PAIP2: variants seen among roughly 807,000 people sequenced by gnomAD.
The protein encoded by PAIP2 is polyadenylate-binding protein-interacting protein 2.
PAIP2 carries 7 observed loss-of-function variants against 14.8 expected under a neutral mutation model. The ratio of observed to expected loss-of-function variants is 0.47; its 90% CI spans 0.27 to 0.89. The LOEUF is 0.89. Among genes scored for constraint, PAIP2 ranks in the 40% least tolerant of loss-of-function variants. The pLI, the probability that PAIP2 is intolerant of heterozygous loss-of-function variation, is 0.13. For missense variants in PAIP2, 122 were observed against 154.7 expected (o/e 0.79, Z 1.12); for synonymous variants, 47 against 45.3 (o/e 1.04, Z -0.15).
At chr5:139,365,538 C>T (rs1345071605) in intron 3 of PAIP2, among the ~76,000 whole-genome samples, 7 of 150,706 alleles carry the variant, frequency 4.6e-5, no homozygotes, top group African/African-American at 1.2e-4. Flanking sequence ...TGGTGGCGGG[C>T]GCCTGTAGTT....
chr5:139,343,708 G>GTTTT (rs61419083), intron 1 of PAIP2, among the ~76,000 whole-genome samples: 19 of 130,948 alleles, frequency 1.5e-4, no homozygotes, highest in African/African-American at 2.0e-4. Flanking sequence ...GGCAGAGCAA[G>GTTTT]TTTTTTTTTT....
chr5:139,362,825 C>T (rs1757110635), intron 1 of PAIP2, among the ~76,000 whole-genome samples: 1 of 152,116 alleles, frequency 6.6e-6, no homozygotes, highest in Non-Finnish European at 1.5e-5. Context: ...TAGGCATGAG[C>T]CACTGCACCC....
Position 139,363,767 on chromosome 5 carries a change from C to T in PAIP2, c.-18C>T, listed in dbSNP as rs1206003299. On this transcript the variant is annotated 5_prime_UTR_variant, in exon 2 of 4. The change creates a new upstream start codon in the 5' untranslated region. Transcript: ENST00000265192. ...GCTGTTGTTCTTTTAAGGTTAAAAA[C>T]GACAACCAACATCAGCCATGAAAGA... 6.2e-7 allele frequency: 1 copy of T among 1,610,794 alleles called. No homozygotes were observed. The highest frequency in any genetic ancestry group is 8.5e-7 in the Non-Finnish European group (1 of 1,178,536).
chr5:139,342,173 G>A (rs1302543840), intron 1 of PAIP2, among the ~76,000 whole-genome samples, 193 bp downstream of exon 1: 1 of 152,016 alleles, frequency 6.6e-6, no homozygotes, highest in Non-Finnish European at 1.5e-5. Context: ...TGTCTTCTCC[G>A]AGACATGGCC....
At chr5:139,353,897 T>C (rs527576956) in intron 1 of PAIP2, among the ~76,000 whole-genome samples, 1 of 152,208 alleles carries the variant, frequency 6.6e-6, no homozygotes, top group South Asian at 2.1e-4. Context: ...TTTTTTTGTA[T>C]TTTTAGTAGA....
At chr5:139,347,856 A>AGTTAG (rs1338252075) in intron 1 of PAIP2, among the ~76,000 whole-genome samples, 2 of 152,056 alleles carry the variant, frequency 1.3e-5, no homozygotes, top group African/African-American at 4.8e-5. Flanking sequence ...AAAGATAGGA[A>AGTTAG]GTTAGGGGAA....
At chr5:139,359,427 C>CTCCTGAGGTCAGGAGTTCAAG (rs1757007450) in intron 1 of PAIP2, among the ~76,000 whole-genome samples, 1 of 152,038 alleles carries the variant, frequency 6.6e-6, no homozygotes, top group African/African-American at 2.4e-5. Context: ...GCATGAGCCA[C>CTCCTGAGGTCAGGAGTTCAAG]AGTGCCCGGT....
intron 1 of PAIP2, among the ~76,000 whole-genome samples, chr5:139,352,196 C>T (rs1756754993): frequency 8.7e-6 from 1 of 114,918 alleles, no homozygotes. Context: ...CAAAACACTT[C>T]TGGTTCTAAG....
At chr5:139,364,841 C>A in intron 3 of PAIP2, 98 bp downstream of exon 3, 1 of 803,126 alleles carries the variant, frequency 1.2e-6, no homozygotes, top group East Asian at 2.6e-5. Flanking sequence ...ATCTCTTTCC[C>A]CTTCAGAAAT....
intron 1 of PAIP2, among the ~76,000 whole-genome samples, chr5:139,350,789 CCT>C (rs1382664178): frequency 1.3e-5 from 2 of 151,946 alleles, no homozygotes; most frequent in Admixed American, 1.3e-4. Context: ...TGCTCCTTGT[CCT>C]CTTTCAGTTT....
Position 139,348,501 on chromosome 5 carries a change from C to T in PAIP2, c.-27+6521C>T, listed in dbSNP as rs146239554. Among the ~76,000 whole-genome samples, 922 of 151,734 alleles carry T rather than the reference C, an allele frequency of 6.1e-3. 9 individuals are homozygous for T. The highest frequency in any genetic ancestry group is 0.021 in the African/African-American group (884 of 41,366). On this transcript the variant is annotated intron_variant, in intron 1 of 3. Transcript: ENST00000265192. ...TCCTGAGTAGCTGGGACTACAGGTG[C>T]CTGCCACCATACTTGGCTAATTTTT...
At position 139,346,717 on chromosome 5, in the gene PAIP2, C is replaced by T. The variant is rs77028815; in HGVS notation, c.-27+4737C>T. On this transcript the variant is annotated intron_variant, in intron 1 of 3. Transcript: ENST00000265192. ...CAGCTAATTTTTGCATTTTTAGAGA[C>T]GGGGTTTCGCCCAAGTTGGCCAGGA... Among the ~76,000 whole-genome samples the T allele has an allele frequency of 0.011, 1,629 of 150,494 alleles. 97 individuals are homozygous for T. In the East Asian group the frequency reaches 0.18, roughly 17 times the overall value.
chr5:139,358,960 A>G (rs896349919), intron 1 of PAIP2, among the ~76,000 whole-genome samples: 2 of 152,130 alleles, frequency 1.3e-5, no homozygotes, highest in African/African-American at 2.4e-5. Flanking sequence ...AAACCACTGA[A>G]TCAAACACTT....
chr5:139,362,163 T>C (rs922107864), intron 1 of PAIP2, among the ~76,000 whole-genome samples: 1 of 152,158 alleles, frequency 6.6e-6, no homozygotes, highest in African/African-American at 2.4e-5. Context: ...TTGAATTTGC[T>C]TTTCATCATT....
chr5:139,350,774 G>T (rs564170232), intron 1 of PAIP2, among the ~76,000 whole-genome samples: 1 of 152,092 alleles, frequency 6.6e-6, no homozygotes, highest in Non-Finnish European at 1.5e-5. Flanking sequence ...TAGATGAAAG[G>T]TTTGTGCTCC....
chr5:139,364,937 G>A, intron 3 of PAIP2, 194 bp downstream of exon 3: 1 of 425,502 alleles, frequency 2.4e-6, no homozygotes, highest in Non-Finnish European at 4.2e-6. Flanking sequence ...TTGAGGTCAG[G>A]AGTTTGAGAC....
At chr5:139,366,158 G>T (rs943482791) in intron 3 of PAIP2, among the ~76,000 whole-genome samples, 2 of 147,560 alleles carry the variant, frequency 1.4e-5, no homozygotes, top group Non-Finnish European at 3.0e-5. Context: ...AACCAAGATG[G>T]TGTCGTTGCA....
At chr5:139,359,131 C>T (rs777986839) in intron 1 of PAIP2, among the ~76,000 whole-genome samples, 5 of 152,026 alleles carry the variant, frequency 3.3e-5, no homozygotes, top group Admixed American at 6.6e-5. Flanking sequence ...TGCACCACCA[C>T]ACCCAGCTAA....
At chr5:139,354,402 CT>C (rs1458683335) in intron 1 of PAIP2, among the ~76,000 whole-genome samples, 1 of 152,044 alleles carries the variant, frequency 6.6e-6, no homozygotes, top group Non-Finnish European at 1.5e-5. Flanking sequence ...TTGAGGATCC[CT>C]TGTATGTAAT....
Sources: allele counts gnomAD v4.1 joint callset (sites outside exome capture counted in the v4.1 genomes callset), GRCh38; gene constraint gnomAD v4.1.1; transcripts MANE v1.5; gene names NCBI Gene and HGNC (gene_info 2026-07-23, HGNC 2026-07-21).